TCERG1L: variants seen among roughly 807,000 people sequenced by gnomAD.
TCERG1L encodes the protein transcription elongation regulator 1 like, also known as transcription elongation regulator 1-like protein.
TCERG1L carries 37 observed loss-of-function variants against 56.3 expected under a neutral mutation model. The observed-to-expected ratio is 0.66, with a 90% CI of 0.51 to 0.87. The LOEUF (loss-of-function observed/expected upper bound fraction) is 0.87, where lower values mean the gene tolerates loss of function less well. Among genes scored for constraint, TCERG1L ranks in the 40% least tolerant of loss-of-function variants. TCERG1L has a pLI of 0.00. For synonymous variants in TCERG1L, 324 were observed against 326.3 expected, an observed-to-expected ratio of 0.99 and a Z score of 0.08; for missense variants, 799 against 774.2, an observed-to-expected ratio of 1.03 and a Z score of -0.38.
chr10:131,178,579 C>A (rs1845136881), intron 4 of TCERG1L, among the ~76,000 whole-genome samples: 1 of 152,172 alleles, frequency 6.6e-6, no homozygotes, highest in African/African-American at 2.4e-5. Flanking sequence ...GAGGCACAGG[C>A]CCTAATTTGA....
intron 8 of TCERG1L, among the ~76,000 whole-genome samples, chr10:131,125,037 T>C (rs972356686): frequency 6.6e-6 from 1 of 152,202 alleles, no homozygotes; most frequent in Non-Finnish European, 1.5e-5. Context: ...ACTGTCCAGG[T>C]GGAAAAACTG....
intron 6 of TCERG1L, among the ~76,000 whole-genome samples, chr10:131,160,234 T>C (rs369564279): frequency 1.3e-5 from 2 of 152,188 alleles, no homozygotes; most frequent in East Asian, 1.9e-4. Context: ...CTCATCCTCA[T>C]GCTTGCCAGT....
At chr10:131,265,019 T>G (rs1415694881) in intron 3 of TCERG1L, among the ~76,000 whole-genome samples, 1 of 152,174 alleles carries the variant, frequency 6.6e-6, no homozygotes, top group African/African-American at 2.4e-5. Flanking sequence ...GAGCCCTTAA[T>G]TAAGAAGACA....
chr10:131,172,284 G>C (rs139800669), intron 4 of TCERG1L, among the ~76,000 whole-genome samples: 2 of 152,282 alleles, frequency 1.3e-5, no homozygotes, highest in East Asian at 3.9e-4. Flanking sequence ...GGAACCCGGG[G>C]AAGTGAATGG....
At chr10:131,222,179 G>A (rs967823722) in intron 4 of TCERG1L, among the ~76,000 whole-genome samples, 10 of 152,226 alleles carry the variant, frequency 6.6e-5, no homozygotes, top group East Asian at 1.9e-4. Context: ...CCGCTTCTCC[G>A]CGGCATGCGA....
At chr10:131,253,361 C>G (rs973373197) in intron 4 of TCERG1L, among the ~76,000 whole-genome samples, 2 of 151,680 alleles carry the variant, frequency 1.3e-5, no homozygotes, top group African/African-American at 4.9e-5. Flanking sequence ...GTAAACTGGT[C>G]TTCAGTGGCC....
At chr10:131,153,298 C>T (rs536998991) in intron 6 of TCERG1L, among the ~76,000 whole-genome samples, 3 of 152,254 alleles carry the variant, frequency 2.0e-5, no homozygotes, top group East Asian at 1.9e-4. Flanking sequence ...CCCGGATGTC[C>T]TACTTTCCAC....
rs919014126 is a variant in TCERG1L, at chr10:131,093,184, A to G, written c.1739T>C (p.Leu580Pro). Residue 580 changes from leucine (L) to proline (P), a missense_variant, in exon 12 of 12, where the codon CTA becomes CCA. Physicochemically the swap from Leu to Pro is moderately conservative, Grantham distance 98. Transcript: ENST00000368642. ...AACTCATCTCATTTTCCGCAGCCTT[A>G]GTCTGTTTTCCTTGTCCCGTTTCTT... ...ILKKRDKENR[L>P]RLRKMR 1 of 1,613,618 alleles carries G rather than the reference A, an allele frequency of 6.2e-7. No homozygotes were observed. The highest frequency in any genetic ancestry group is 1.1e-5 in the South Asian group (1 of 91,012).
At chr10:131,293,710 A>G (rs1846659191) in intron 3 of TCERG1L, among the ~76,000 whole-genome samples, 1 of 152,218 alleles carries the variant, frequency 6.6e-6, no homozygotes, top group South Asian at 2.1e-4. Flanking sequence ...AGCCCCTCTC[A>G]GGTTTATTTT....
At chr10:131,268,027 G>A (rs1396266923) in intron 3 of TCERG1L, among the ~76,000 whole-genome samples, 1 of 152,184 alleles carries the variant, frequency 6.6e-6, no homozygotes, top group Non-Finnish European at 1.5e-5. Flanking sequence ...AGGCTCAGCA[G>A]TGGGAGCAGT....
Position 131,120,007 on chromosome 10 carries a change from G to A in TCERG1L, c.1260-3073C>T, listed in dbSNP as rs563579943. Reference sequence around the variant, plus strand: ...AAATCTGGGCACCATAGCCCTGGGCGGGGGTCCCTCACGCCCAGGGTCCGC... The same window carrying A: ...AAATCTGGGCACCATAGCCCTGGGCAGGGGTCCCTCACGCCCAGGGTCCGC... On this transcript the variant is annotated intron_variant, in intron 8 of 11. Transcript: ENST00000368642. Among the ~76,000 whole-genome samples the A allele has an allele frequency of 3.3e-5, 5 of 152,150 alleles. No individual in the cohort carries two copies. In the East Asian group the frequency reaches 7.8e-4, roughly 24 times the overall value.
rs187951916 is a variant in TCERG1L at position 131,238,283 on chromosome 10, G to A, written c.856+21976C>T. Among the ~76,000 whole-genome samples, 269 of 152,320 alleles carry A rather than the reference G, an allele frequency of 1.8e-3. 1 individual carries two copies. Among genetic ancestry groups the A allele is most frequent in the Non-Finnish European group, 1.0e-3 (68 of 68,046 alleles). ...CACTGGAGTACACACAGTGATGGTC[G>A]TTCCCCTGGGGATAATATTTGGAGA... On this transcript the variant is annotated intron_variant, in intron 4 of 11. Transcript: ENST00000368642.
chr10:131,233,698 T>C (rs1037498714), intron 4 of TCERG1L, among the ~76,000 whole-genome samples: 5 of 152,254 alleles, frequency 3.3e-5, no homozygotes, highest in African/African-American at 9.6e-5. Flanking sequence ...GAAAATGTCA[T>C]TTTAATCTCC....
In TCERG1L at chr10:131,137,439, GGGCCCTCCGCCT is replaced by G. The variant is rs1227478532; in HGVS notation, c.1190-3003_1190-2992del. Among the ~76,000 whole-genome samples, 3 of 152,138 alleles carry G rather than the reference GGGCCCTCCGCCT, an allele frequency of 2.0e-5. No homozygotes were observed. The East Asian group carries it at 5.8e-4, about 29-fold the overall frequency. ...CTCACAGAGGCTCTCTCAACTCCCC[GGGCCCTCCGCCT>G]GACTGCCTTTCTGCACCTCGTGGCG... On this transcript the variant is annotated intron_variant, in intron 7 of 11. Transcript: ENST00000368642.
intron 4 of TCERG1L, among the ~76,000 whole-genome samples, chr10:131,184,212 C>T (rs946272970): frequency 2.0e-5 from 3 of 152,318 alleles, no homozygotes; most frequent in African/African-American, 7.2e-5. Context: ...AAAAACGTGG[C>T]CCATATTTCT....
chr10:131,148,194 T>G (rs1366474854), intron 6 of TCERG1L, among the ~76,000 whole-genome samples: 1 of 152,196 alleles, frequency 6.6e-6, no homozygotes, highest in Non-Finnish European at 1.5e-5. Context: ...GGGAATAGCC[T>G]GGTCATTCAG....
chr10:131,306,545 A>G (rs1181839136), intron 3 of TCERG1L, among the ~76,000 whole-genome samples: 2 of 152,170 alleles, frequency 1.3e-5, no homozygotes, highest in African/African-American at 4.8e-5. Context: ...TCTTAAAAAT[A>G]GATCCATTAA....
intron 6 of TCERG1L, 51 bp from the exon 7 acceptor site, chr10:131,146,711 G>C: frequency 6.4e-7 from 1 of 1,555,662 alleles, no homozygotes; most frequent in Non-Finnish European, 8.7e-7. Context: ...CACTTAATTA[G>C]AAAGTCGTTA....
At chr10:131,108,707 T>C (rs1181732478) in intron 9 of TCERG1L, among the ~76,000 whole-genome samples, 1 of 152,172 alleles carries the variant, frequency 6.6e-6, no homozygotes, top group African/African-American at 2.4e-5. Flanking sequence ...CATGGGGGCA[T>C]TGGGCTCCTC....
Sources: gnomAD v4.1 joint callset for allele counts (sites outside exome capture counted in the v4.1 genomes callset) on GRCh38, gnomAD v4.1.1 for gene constraint, MANE v1.5 for transcripts, NCBI Gene and HGNC (gene_info 2026-07-23, HGNC 2026-07-21) for gene names.